Variants in C16orf87 observed in about 807,000 individuals in gnomAD.
The protein encoded by C16orf87 is UPF0547 protein C16orf87.
C16orf87 carries 13 observed loss-of-function variants against 21.0 expected under a neutral mutation model. That is an observed-to-expected ratio of 0.62 (90% CI 0.40 to 0.98). C16orf87 has a LOEUF of 0.98. Among genes scored for constraint, C16orf87 ranks in the 50% least tolerant of loss-of-function variants. C16orf87 has a pLI of 0.00. For missense variants in C16orf87, 113 were observed against 180.4 expected (o/e 0.63, Z 2.14); for synonymous variants, 49 against 60.2 (o/e 0.81, Z 0.86).
chr16:46,822,153 C>T (rs895170792), intron 2 of C16orf87, among the ~76,000 whole-genome samples: 7 of 152,156 alleles, frequency 4.6e-5, no homozygotes, highest in African/African-American at 9.7e-5. Context: ...CAGGCTGATG[C>T]GATCCTCCTG....
At chr16:46,804,495 T>C (rs1371909825) in intron 3 of C16orf87, among the ~76,000 whole-genome samples, 7 of 152,228 alleles carry the variant, frequency 4.6e-5, no homozygotes, top group Admixed American at 4.6e-4. Context: ...AATTCATAGT[T>C]TGATTGAGTA....
At chr16:46,828,480 T>C (rs949144444) in intron 1 of C16orf87, among the ~76,000 whole-genome samples, 8 of 152,122 alleles carry the variant, frequency 5.3e-5, no homozygotes, top group African/African-American at 1.7e-4. Context: ...CTCAGTAATT[T>C]TGAGTGATTG....
At chr16:46,811,325 A>ATG (rs1968077125) in intron 2 of C16orf87, among the ~76,000 whole-genome samples, 1 of 151,906 alleles carries the variant, frequency 6.6e-6, no homozygotes, top group Non-Finnish European at 1.5e-5. Context: ...CCAACATGGC[A>ATG]AAACCCCGTC....
chr16:46,831,070 C>G lies in C16orf87; in HGVS notation c.66+14G>C. The stretch of plus-strand genomic sequence containing the variant: ...CACTGCCGCCCGCCCGCGCGCCCGG[C>G]CCCCGGCACCCACCTGTTGGTCGCA... On this transcript the variant is annotated intron_variant, in intron 1 of 3. Transcript: ENST00000285697. 6.4e-7 allele frequency: 1 copy of G among 1,556,816 alleles called. No individual in the cohort carries two copies. The highest frequency in any genetic ancestry group is 8.7e-7 in the Non-Finnish European group (1 of 1,148,184).
intron 3 of C16orf87, among the ~76,000 whole-genome samples, chr16:46,806,112 C>T (rs979010986): frequency 6.6e-6 from 1 of 152,200 alleles, no homozygotes; most frequent in African/African-American, 2.4e-5. Context: ...TTCACTTCTA[C>T]TTCCAGACAT....
intron 2 of C16orf87, among the ~76,000 whole-genome samples, chr16:46,817,155 G>C (rs1968273241): frequency 6.6e-6 from 1 of 152,184 alleles, no homozygotes; most frequent in Non-Finnish European, 1.5e-5. Flanking sequence ...ATAATGGATA[G>C]AAACCACCTT....
chr16:46,814,912 G>A (rs1441525648), intron 2 of C16orf87, among the ~76,000 whole-genome samples: 10 of 152,108 alleles, frequency 6.6e-5, no homozygotes, highest in Non-Finnish European at 1.5e-4. Context: ...GGATTTCCAA[G>A]TAGCCAAAAC....
chr16:46,823,400 G>C (rs1320663020), intron 2 of C16orf87, among the ~76,000 whole-genome samples: 1 of 151,996 alleles, frequency 6.6e-6, no homozygotes, highest in Non-Finnish European at 1.5e-5. Context: ...CTTATTTCGA[G>C]GTCACCACCA....
intron 1 of C16orf87, among the ~76,000 whole-genome samples, chr16:46,827,756 T>C (rs1004244067): frequency 2.6e-5 from 4 of 151,962 alleles, no homozygotes; most frequent in Non-Finnish European, 5.9e-5. Flanking sequence ...ATAATTTTTG[T>C]ATTTTTAGTA....
Position 46,799,959 on chromosome 16 carries a change from G to A in C16orf87, c.*2993C>T, listed in dbSNP as rs2143023416. On this transcript the variant is annotated 3_prime_UTR_variant, in exon 4 of 4. Coordinates refer to ENST00000285697, the MANE Select transcript of C16orf87 (RefSeq NM_001001436.4). ...TGGCCAATTAATACTTTATATAAAAGTAAGTAAAGAGCTTAATTTTTCTAA... is the reference window on the plus strand; with the variant it reads ...TGGCCAATTAATACTTTATATAAAAATAAGTAAAGAGCTTAATTTTTCTAA... 1 of 152,296 alleles carries A rather than the reference G, an allele frequency of 6.6e-6. No homozygotes were observed. Among genetic ancestry groups the A allele is most frequent in the South Asian group, 2.1e-4 (1 of 4,824 alleles). 9.4% of individuals were successfully genotyped at this position (152,296 alleles called of 1,614,324 possible). A position where few individuals can be genotyped will look rare whatever the true frequency, so the allele number is the denominator to read the frequency against.
intron 3 of C16orf87, among the ~76,000 whole-genome samples, chr16:46,805,373 T>C (rs1384723489): frequency 1.3e-5 from 2 of 152,202 alleles, no homozygotes; most frequent in Non-Finnish European, 2.9e-5. Context: ...TTATTAAAGT[T>C]GTTCATTTCT....
chr16:46,809,713 T>C lies in C16orf87; in HGVS notation c.236A>G (p.Lys79Arg). The change falls in exon 3 of 4, where the codon AAA becomes AGA. Residue 79 changes from lysine to arginine, a missense_variant. Physicochemically the swap from Lys to Arg is conservative, Grantham distance 26. Transcript: ENST00000285697. The stretch of plus-strand genomic sequence containing the variant: ...AGACCTCTTTCTGTTTTCTAAATCT[T>C]TATTTACTGTAGAATTTATCTTCTC... Reference protein sequence around the residue: ...RREKINSTVNKDLENRKRSRS... With the variant: ...RREKINSTVNRDLENRKRSRS... 5.6e-6 allele frequency: 9 copies of C among 1,608,744 alleles called. No homozygotes were observed. Among genetic ancestry groups the C allele is most frequent in the Non-Finnish European group, 7.7e-6 (9 of 1,175,298 alleles).
At position 46,800,490 on chromosome 16, in the gene C16orf87, G is replaced by A. The variant is rs1426051642; in HGVS notation, c.*2462C>T. 6.6e-6 allele frequency: 1 copy of A among 152,054 alleles called. No individual in the cohort carries two copies. Among genetic ancestry groups the A allele is most frequent in the Non-Finnish European group, 1.5e-5 (1 of 68,016 alleles). 9.4% of individuals were successfully genotyped at this position (152,054 alleles called of 1,614,324 possible). On this transcript the variant is annotated 3_prime_UTR_variant, in exon 4 of 4. Transcript: ENST00000285697. The stretch of plus-strand genomic sequence containing the variant: ...TTGGAATACCATGGAGTTGAGGCAG[G>A]GAGTAACAACTCTCAAACTACTTTT...
At chr16:46,826,744 C>T (rs1025220145) in intron 1 of C16orf87, among the ~76,000 whole-genome samples, 4 of 151,886 alleles carry the variant, frequency 2.6e-5, no homozygotes, top group African/African-American at 9.7e-5. Context: ...TTTCAAATTT[C>T]GTATCTTCAT....
At chr16:46,812,462 A>G (rs1432116467) in intron 2 of C16orf87, among the ~76,000 whole-genome samples, 1 of 152,188 alleles carries the variant, frequency 6.6e-6, no homozygotes, top group Admixed American at 6.5e-5. Context: ...AACATAATGA[A>G]ATATTTATAA....
intron 2 of C16orf87, among the ~76,000 whole-genome samples, chr16:46,819,378 G>A (rs66804065): frequency 0.17 from 26,555 of 151,852 alleles, 2,894 homozygotes; most frequent in African/African-American, 0.3. Context: ...GAGACCTTGT[G>A]CCCAGCCTGT....
intron 1 of C16orf87, among the ~76,000 whole-genome samples, chr16:46,828,361 TA>T (rs1000366018): frequency 1.3e-5 from 2 of 151,836 alleles, no homozygotes; most frequent in Non-Finnish European, 2.9e-5. Flanking sequence ...TCCTTTAAAT[TA>T]AAAAAAAGCT....
At chr16:46,829,728 C>G (rs750993171) in intron 1 of C16orf87, among the ~76,000 whole-genome samples, 3 of 152,150 alleles carry the variant, frequency 2.0e-5, no homozygotes, top group Non-Finnish European at 4.4e-5. Flanking sequence ...ATACTGCATA[C>G]TGGTATAGCT....
intron 2 of C16orf87, among the ~76,000 whole-genome samples, chr16:46,811,418 G>A (rs577932651): frequency 3.3e-5 from 5 of 151,514 alleles, no homozygotes; most frequent in East Asian, 3.9e-4. Context: ...CAGGAGAATC[G>A]TTAGAACCTA....
Sources: gnomAD v4.1 joint callset for allele counts (sites outside exome capture counted in the v4.1 genomes callset) on GRCh38, gnomAD v4.1.1 for gene constraint, MANE v1.5 for transcripts, NCBI Gene and HGNC (gene_info 2026-07-23, HGNC 2026-07-21) for gene names.